Variants in GGH observed in about 807,000 individuals in gnomAD.
GGH encodes the protein gamma-glutamyl hydrolase, also known as gamma-Glu-X carboxypeptidase.
Under a neutral mutation model 39.2 loss-of-function variants are expected in GGH, and 18 were observed. The ratio of observed to expected loss-of-function variants is 0.46; its 90% confidence interval spans 0.32 to 0.68. The LOEUF is 0.68. GGH is among the 30% of genes least tolerant of loss of function. The probability of loss-of-function intolerance (pLI) is 0.04; values close to 1 mark genes in which losing one functional copy is unlikely to be tolerated. For synonymous variants in GGH, 147 were observed against 138.8 expected, an observed-to-expected ratio of 1.06 and a Z score of -0.42; for missense variants, 367 against 384.1, an observed-to-expected ratio of 0.96 and a Z score of 0.37.
chr8:63,015,081 T>G lies in GGH; in HGVS notation c.*251A>C, dbSNP rs1343389026. ...AAGCAAATCAATTAGAAAAAATATT[T>G]GTATTTCAGTAAATTTATTTTTTTC... On this transcript the variant is annotated 3_prime_UTR_variant, in exon 9 of 9. Transcript: ENST00000260118. 3 of 256,436 alleles carry G rather than the reference T, an allele frequency of 1.2e-5. No individual in the cohort carries two copies. Among genetic ancestry groups the G allele is most frequent in the Middle Eastern group, 1.1e-3 (1 of 874 alleles). The allele number at this position is 256,436 out of a possible 1,614,324, so 15.9% of individuals were successfully genotyped here. A position where few individuals can be genotyped will look rare whatever the true frequency, so the allele number is the denominator to read the frequency against.
At chr8:63,035,514 C>A (rs12682204) in intron 2 of GGH, 142 bp downstream of exon 2, 3 of 1,216,008 alleles carry the variant, frequency 2.5e-6, no homozygotes, top group Non-Finnish European at 3.3e-6. Context: ...CCAGGTTGGC[C>A]TGGCTGGTCT....
Position 63,035,661 on chromosome 8 carries a change from T to C in GGH, c.219A>G (p.Pro73=), listed in dbSNP as rs1389286095. The change falls in exon 2 of 9, where the codon CCA becomes CCG. Residue 73 remains proline (P), a synonymous_variant. Coordinates refer to ENST00000260118, the MANE Select transcript of GGH (RefSeq NM_003878.3). ...AAAAAAACACTGAATCATACCTTAC[T>C]GGTACAACTCTCGCACCTGCAGACT... ...YLESAGARVV[P]VRLDLTEKDY... 1.9e-6 allele frequency: 3 copies of C among 1,601,720 alleles called. No homozygotes were observed. Among genetic ancestry groups the C allele is most frequent in the African/African-American group, 2.7e-5 (2 of 73,724 alleles).
At chr8:63,015,547 A>T in intron 8 of GGH, 94 bp from the exon 9 acceptor site, 3 of 706,892 alleles carry the variant, frequency 4.2e-6, no homozygotes, top group Non-Finnish European at 6.9e-6. Context: ...AGCATTATTA[A>T]GTGGGAAAAT....
chr8:63,020,021 C>G (rs1804559174), intron 7 of GGH, among the ~76,000 whole-genome samples: 1 of 152,164 alleles, frequency 6.6e-6, no homozygotes. Flanking sequence ...CTTGATAGAG[C>G]TTATTTTGAG....
chr8:63,038,600 G>GGGGCCCCCCCCCC, intron 1 of GGH, 60 bp downstream of exon 1: 1 of 883,530 alleles, frequency 1.1e-6, no homozygotes. Flanking sequence ...GCGGCGGGAG[G>GGGGCCCCCCCCCC]CGCCCAGCGC....
intron 7 of GGH, among the ~76,000 whole-genome samples, chr8:63,019,615 G>A (rs1294450668): frequency 6.6e-6 from 1 of 152,162 alleles, no homozygotes; most frequent in African/African-American, 2.4e-5. Context: ...TTTTTTGGAT[G>A]CTCCAAGGCA....
chr8:63,027,356 T>C, intron 3 of GGH, 91 bp from the exon 4 acceptor site: 1 of 654,498 alleles, frequency 1.5e-6, no homozygotes, highest in East Asian at 2.8e-5. Flanking sequence ...TTTAAAACAA[T>C]TTTTCTTATT....
Position 63,017,479 on chromosome 8 carries a change from T to G in GGH, c.835+14A>C. On this transcript the variant is annotated intron_variant, in intron 8 of 8. Transcript: ENST00000260118. The stretch of plus-strand genomic sequence containing the variant: ...ACTACCCCAGAATAACAAAATTATG[T>G]ACCCTCATATTACCTTCATTAACAA... 6.3e-7 allele frequency: 1 copy of G among 1,588,002 alleles called. No homozygotes were observed. Among genetic ancestry groups the G allele is most frequent in the African/African-American group, 1.4e-5 (1 of 74,060 alleles).
intron 8 of GGH, among the ~76,000 whole-genome samples, chr8:63,016,377 T>G (rs1804487988): frequency 6.6e-6 from 1 of 152,262 alleles, no homozygotes; most frequent in South Asian, 2.1e-4. Context: ...TCTGCATGAT[T>G]CTAAAGCAGA....
At chr8:63,032,229 T>A (rs1018270646) in intron 2 of GGH, among the ~76,000 whole-genome samples, 2 of 151,104 alleles carry the variant, frequency 1.3e-5, no homozygotes, top group Non-Finnish European at 2.9e-5. Context: ...TAGATAGGGG[T>A]TTTTCCATGT....
chr8:63,018,143 T>C (rs1165046713), intron 7 of GGH, among the ~76,000 whole-genome samples: 2 of 152,186 alleles, frequency 1.3e-5, no homozygotes, highest in Non-Finnish European at 2.9e-5. Flanking sequence ...TTTTAAAATA[T>C]TTTTTAGAAG....
At position 63,033,681 on chromosome 8, in the gene GGH, G is replaced by C. The variant is rs114496643; in HGVS notation, c.224+1975C>G. Among the ~76,000 whole-genome samples, 792 of 152,030 alleles carry C rather than the reference G, an allele frequency of 5.2e-3. 5 individuals are homozygous for C. Among genetic ancestry groups the C allele is most frequent in the African/African-American group, 0.018 (754 of 41,466 alleles). ...GTACATGTGCAGATTTGCTACATGG[G>C]TATATTGTGTGATGCTGAGGTTTGG... On this transcript the variant is annotated intron_variant, in intron 2 of 8. Transcript: ENST00000260118.
intron 4 of GGH, 70 bp from the exon 5 acceptor site, chr8:63,026,366 T>C: frequency 1.4e-5 from 17 of 1,255,708 alleles, no homozygotes; most frequent in Non-Finnish European, 1.8e-5. Context: ...CCATATCTTT[T>C]GTCATAACCA....
At chr8:63,019,760 G>A (rs967212165) in intron 7 of GGH, among the ~76,000 whole-genome samples, 5 of 152,202 alleles carry the variant, frequency 3.3e-5, no homozygotes, top group Non-Finnish European at 7.3e-5. Context: ...GCATGACAAT[G>A]TTCCTCCTCA....
At chr8:63,022,986 T>C (rs1396915009) in intron 7 of GGH, among the ~76,000 whole-genome samples, 1 of 152,216 alleles carries the variant, frequency 6.6e-6, no homozygotes, top group African/African-American at 2.4e-5. Flanking sequence ...ACATCTGTTA[T>C]CTCTGCAAGT....
At chr8:63,018,585 A>G (rs529360062) in intron 7 of GGH, among the ~76,000 whole-genome samples, 23 of 152,164 alleles carry the variant, frequency 1.5e-4, no homozygotes, top group Admixed American at 4.6e-4. Context: ...ACGAGAGGAA[A>G]CACCTGCCTC....
At chr8:63,035,983 G>A (rs1452855430) in intron 1 of GGH, among the ~76,000 whole-genome samples, 1 of 152,074 alleles carries the variant, frequency 6.6e-6, no homozygotes, top group Non-Finnish European at 1.5e-5. Flanking sequence ...TCATTAGGGA[G>A]GCCAAATAAG....
chr8:63,015,336 T>G lies in GGH; in HGVS notation c.953A>C (p.Asp318Ala). Residue 318 changes from aspartate to alanine, a missense_variant, in exon 9 of 9, where the codon GAT becomes GCT. Transcript: ENST00000260118. ...CTGTTAACAAATTGAAGACTTTCAATCAAATATGTAACATTGCTGAAATGA... is the reference window on the plus strand; with the variant it reads ...CTGTTAACAAATTGAAGACTTTCAAGCAAATATGTAACATTGCTGAAATGA... The part of the protein sequence containing the change: ...ISSFQQCYIF[D>A] 7.2e-7 allele frequency: 1 copy of G among 1,383,948 alleles called. No homozygotes were observed. The highest frequency in any genetic ancestry group is 1.9e-4 in the Middle Eastern group (1 of 5,322). The allele number at this position is 1,383,948 out of a possible 1,614,324, so 85.7% of individuals were successfully genotyped here. A position where few individuals can be genotyped will look rare whatever the true frequency, so the allele number is the denominator to read the frequency against.
chr8:63,035,778 C>CA lies in GGH; in HGVS notation c.110-9dup, dbSNP rs767655894. On this transcript the variant is annotated splice_polypyrimidine_tract_variant and intron_variant, in intron 1 of 8. Transcript: ENST00000260118. ...ATTTTTGCATTAATATTCCTAATAACAAAAAAAAGTTTAGTTTCAAGCAAA... is the reference window on the plus strand; with the variant it reads ...ATTTTTGCATTAATATTCCTAATAACAAAAAAAAAGTTTAGTTTCAAGCAAA... 65 of 1,595,298 alleles carry CA rather than the reference C, an allele frequency of 4.1e-5. No individual in the cohort carries two copies. The highest frequency in any genetic ancestry group is 1.9e-4 in the African/African-American group (14 of 73,512).
Sources: allele counts gnomAD v4.1 joint callset (sites outside exome capture counted in the v4.1 genomes callset), GRCh38; gene constraint gnomAD v4.1.1; transcripts MANE v1.5; gene names NCBI Gene and HGNC (gene_info 2026-07-23, HGNC 2026-07-21).